The following FAM117A variants were observed in gnomAD, a reference collection of about 807,000 sequenced individuals.
FAM117A encodes family with sequence similarity 117 member A.
FAM117A carries 21 observed loss-of-function variants against 44.1 expected under a neutral mutation model. That is an observed-to-expected ratio of 0.48 (90% CI 0.34 to 0.69). The LOEUF (loss-of-function observed/expected upper bound fraction) is 0.69. Among genes scored for constraint, FAM117A ranks in the 30% least tolerant of loss-of-function variants. The probability of loss-of-function intolerance (pLI) is 0.01; values close to 1 mark genes in which losing one functional copy is unlikely to be tolerated. For synonymous variants in FAM117A, 220 were observed against 238.3 expected, an observed-to-expected ratio of 0.92 and a Z score of 0.71; for missense variants, 498 against 589.9, an observed-to-expected ratio of 0.84 and a Z score of 1.61.
At chr17:49,717,041 G>A (rs112714477) in intron 6 of FAM117A, among the ~76,000 whole-genome samples, 307 of 152,188 alleles carry the variant, frequency 2.0e-3, no homozygotes, top group African/African-American at 6.7e-3. Context: ...GAAGTAGCTA[G>A]GGCATTGTAG....
At chr17:49,723,056 G>A (rs1379966079) in intron 2 of FAM117A, among the ~76,000 whole-genome samples, 1 of 152,104 alleles carries the variant, frequency 6.6e-6, no homozygotes, top group Non-Finnish European at 1.5e-5. Context: ...AGTGCATTAA[G>A]GGATTATTAA....
intron 1 of FAM117A, among the ~76,000 whole-genome samples, chr17:49,762,475 T>C (rs2073725857): frequency 6.6e-6 from 1 of 152,238 alleles, no homozygotes; most frequent in Admixed American, 6.5e-5. Context: ...CAAGATGTGA[T>C]GCTAACATAT....
Position 49,720,324 on chromosome 17 carries a change from A to G in FAM117A, c.573+2T>C. ...GGGAGAGGGCTGGGGGAGAAAACAT[A>G]CCCTCAGTGCTCCCCGCACTGCGTG... On this transcript the variant is annotated splice_donor_variant, in intron 4 of 7. Coordinates refer to ENST00000240364, the MANE Select transcript of FAM117A (RefSeq NM_030802.4). LOFTEE classifies it high-confidence loss of function. 1 of 1,609,320 alleles carries G rather than the reference A, an allele frequency of 6.2e-7. No homozygotes were observed. The highest frequency in any genetic ancestry group is 8.5e-7 in the Non-Finnish European group (1 of 1,176,146).
chr17:49,714,775 T>G (rs1421461854), intron 7 of FAM117A, among the ~76,000 whole-genome samples: 1 of 151,754 alleles, frequency 6.6e-6, no homozygotes, highest in Non-Finnish European at 1.5e-5. Flanking sequence ...GCCTCCTGAG[T>G]AGCTGGGATA....
chr17:49,771,222 T>G (rs1598037425), intron 1 of FAM117A, among the ~76,000 whole-genome samples: 1 of 152,158 alleles, frequency 6.6e-6, no homozygotes, highest in South Asian at 2.1e-4. Flanking sequence ...AATAAATAAA[T>G]AAAGAATAGA....
intron 1 of FAM117A, among the ~76,000 whole-genome samples, chr17:49,759,233 C>A (rs1336512476): frequency 6.6e-6 from 1 of 152,108 alleles, no homozygotes; most frequent in Non-Finnish European, 1.5e-5. Flanking sequence ...CTTTGCTATC[C>A]AAAATACCGA....
At chr17:49,741,269 CT>C (rs1446005266) in intron 1 of FAM117A, among the ~76,000 whole-genome samples, 1 of 152,158 alleles carries the variant, frequency 6.6e-6, no homozygotes, top group Non-Finnish European at 1.5e-5. Flanking sequence ...CTCATTTCCC[CT>C]GTTTTTTGTT....
chr17:49,788,426 G>A (rs367846571), intron 1 of FAM117A: 4 of 196,346 alleles, frequency 2.0e-5, no homozygotes, highest in East Asian at 2.5e-4. Context: ...GATGAGAACC[G>A]TTTACATCAA....
intron 5 of FAM117A, chr17:49,718,108 A>T (rs1300333100): frequency 6.2e-6 from 1 of 160,162 alleles, no homozygotes; most frequent in African/African-American, 2.4e-5. Flanking sequence ...CCAGGAGCCT[A>T]TAAGTGCTGT....
At chr17:49,776,649 G>A (rs995296285) in intron 1 of FAM117A, among the ~76,000 whole-genome samples, 6 of 152,150 alleles carry the variant, frequency 3.9e-5, no homozygotes, top group Admixed American at 2.0e-4. Flanking sequence ...TCCTACTTTG[G>A]GGGAGGAGAG....
chr17:49,752,773 A>T (rs2073682553), intron 1 of FAM117A, among the ~76,000 whole-genome samples: 1 of 152,174 alleles, frequency 6.6e-6, no homozygotes. Context: ...ATCATCTTCC[A>T]ACTACTCACA....
At chr17:49,766,910 TCCAAAG>T (rs1289109778), upstream of FAM117A, among the ~76,000 whole-genome samples, 1 of 152,124 alleles carries the variant, frequency 6.6e-6, no homozygotes, top group Admixed American at 6.5e-5. Context: ...TAAACTTTAT[TCCAAAG>T]CCAAGGTACC....
At chr17:49,763,352 C>T (rs2073730171) in intron 1 of FAM117A, among the ~76,000 whole-genome samples, 1 of 152,026 alleles carries the variant, frequency 6.6e-6, no homozygotes, top group Non-Finnish European at 1.5e-5. Flanking sequence ...TAAAGGGAAG[C>T]GCACGTGAAG....
At chr17:49,737,248 A>G (rs1340351539) in intron 1 of FAM117A, among the ~76,000 whole-genome samples, 1 of 152,186 alleles carries the variant, frequency 6.6e-6, no homozygotes, top group East Asian at 1.9e-4. Context: ...TCATTTTCCT[A>G]ACCTGGGTTT....
At chr17:49,746,480 G>A (rs543367175) in intron 1 of FAM117A, among the ~76,000 whole-genome samples, 1 of 152,304 alleles carries the variant, frequency 6.6e-6, no homozygotes, top group East Asian at 1.9e-4. Context: ...ATAAGGCTGA[G>A]GCAAGGAACT....
At chr17:49,753,712 A>C (rs976405239) in intron 1 of FAM117A, among the ~76,000 whole-genome samples, 2 of 152,218 alleles carry the variant, frequency 1.3e-5, no homozygotes, top group African/African-American at 4.8e-5. Context: ...TGAACCTGGG[A>C]GGTGGAGGTT....
chr17:49,758,643 AAATAAATAAATAAAT>A (rs1567835880), intron 1 of FAM117A, among the ~76,000 whole-genome samples: 16 of 42,220 alleles, frequency 3.8e-4, no homozygotes, highest in Middle Eastern at 0.015. Context: ...AAAATAAAAT[AAATAAATAAATAAAT>A]AAATAAATAA....
rs948519842 is a variant in FAM117A, at chr17:49,743,511, C to T, written c.197-10791G>A. ...CTGGGAGGCTGAGGCGGGCGGATCACGAGGTCAGGAGATGAAGACCATCCT... is the reference window on the plus strand; with the variant it reads ...CTGGGAGGCTGAGGCGGGCGGATCATGAGGTCAGGAGATGAAGACCATCCT... On this transcript the variant is annotated intron_variant, in intron 1 of 7. Transcript: ENST00000240364. Among the ~76,000 whole-genome samples the T allele has an allele frequency of 4.6e-4, 70 of 152,228 alleles. 1 individual carries two copies. The highest frequency in any genetic ancestry group is 2.8e-4 in the Non-Finnish European group (19 of 68,004).
chr17:49,753,517 T>C (rs2073685285), intron 1 of FAM117A, among the ~76,000 whole-genome samples: 1 of 152,138 alleles, frequency 6.6e-6, no homozygotes, highest in Admixed American at 6.6e-5. Flanking sequence ...ATGGAACATA[T>C]TGTCAAAACT....
Sources: allele counts gnomAD v4.1 joint callset (sites outside exome capture counted in the v4.1 genomes callset), GRCh38; gene constraint gnomAD v4.1.1; transcripts MANE v1.5; gene names NCBI Gene and HGNC (gene_info 2026-07-23, HGNC 2026-07-21).